Variants in OR4Q3 observed in about 807,000 individuals in gnomAD.
The protein encoded by OR4Q3 is olfactory receptor family 4 subfamily Q member 3, also known as olfactory receptor 4Q3.
OR4Q3 carries 17 observed loss-of-function variants against 18.8 expected under a neutral mutation model. That is an observed-to-expected ratio of 0.91 (90% confidence interval 0.62 to 1.36). The LOEUF (loss-of-function observed/expected upper bound fraction) is 1.36, where lower values mean the gene tolerates loss of function less well. Among genes scored for constraint, OR4Q3 ranks in the 40% most tolerant of loss-of-function variants. OR4Q3 has a pLI of 0.00. For synonymous variants in OR4Q3, 158 were observed against 145.8 expected (o/e 1.08, Z -0.60); for missense variants, 378 against 373.4 (o/e 1.01, Z -0.10).
downstream of OR4Q3, among the ~76,000 whole-genome samples, chr14:19,749,631 A>AAAAAAAAAAAAAAAAAAAAAC: frequency 6.7e-6 from 1 of 148,342 alleles, no homozygotes; most frequent in East Asian, 2.0e-4. Flanking sequence ...AAAAAAAAAA[A>AAAAAAAAAAAAAAAAAAAAAC]AAAGAAAGCA....
downstream of OR4Q3, among the ~76,000 whole-genome samples, chr14:19,750,063 C>A: frequency 2.0e-5 from 3 of 151,742 alleles, no homozygotes; most frequent in Non-Finnish European, 2.9e-5. Flanking sequence ...TGGCTCACTG[C>A]AACCTCCGCC....
At chr14:19,749,876 TTC>T, downstream of OR4Q3, among the ~76,000 whole-genome samples, 66 of 27,728 alleles carry the variant, frequency 2.4e-3, no homozygotes, top group South Asian at 0.012. Context: ...CTTTCTTTCT[TTC>T]TTTCTTTCTT....
downstream of OR4Q3, among the ~76,000 whole-genome samples, chr14:19,749,722 T>A: frequency 3.3e-5 from 5 of 150,576 alleles, no homozygotes; most frequent in African/African-American, 1.2e-4. Context: ...ATTGCTTCTT[T>A]CTTTCTTTTT....
In OR4Q3 at chr14:19,744,391, C is replaced by T. The variant is rs369579352; in HGVS notation, c.2+720C>T. 7.9e-5 allele frequency among the ~76,000 whole-genome samples: 12 copies of T among 152,270 alleles called. No homozygotes were observed. The East Asian group carries it at 2.3e-3, about 29-fold the overall frequency. ...AAACATAATAGCAAAATATGGTATA[C>T]TGTTATGCTTAAAACACACACATGC... On this transcript the variant is annotated intron_variant, in intron 1 of 1. Coordinates refer to ENST00000642117, the Ensembl canonical transcript of OR4Q3.
chr14:19,747,147 C>T, intron 1 of OR4Q3, among the ~76,000 whole-genome samples: 1 of 152,320 alleles, frequency 6.6e-6, no homozygotes, highest in South Asian at 2.1e-4. Flanking sequence ...AAGATTAGCA[C>T]TTATCACCTA....
exon 2 of OR4Q3, chr14:19,748,410 T>C: frequency 3.1e-5 from 45 of 1,446,446 alleles, no homozygotes; most frequent in Non-Finnish European, 4.0e-5. Flanking sequence ...ACACTCTTTC[T>C]TGGAAGACTC....
At chr14:19,749,385 A>G in exon 2 of OR4Q3, 1 of 152,536 alleles carries the variant, frequency 6.6e-6, no homozygotes, top group Non-Finnish European at 1.5e-5. Context: ...GATCATCTGA[A>G]GTCAGGAGTT....
chr14:19,747,394 A>G lies in OR4Q3; in HGVS notation c.3-12A>G. 2.1e-6 allele frequency: 3 copies of G among 1,406,842 alleles called. No homozygotes were observed. Among genetic ancestry groups the G allele is most frequent in the Non-Finnish European group, 2.9e-6 (3 of 1,017,524 alleles). 87.1% of individuals were successfully genotyped at this position (1,406,842 alleles called of 1,614,324 possible). On this transcript the variant is annotated splice_polypyrimidine_tract_variant and intron_variant, in intron 1 of 1. Transcript: ENST00000642117. ...CTTAAATCTCCCTTGTTCTGATTTAATTCTTCTTTAGGTCACTTGATATTC... is the reference window on the plus strand; with the variant it reads ...CTTAAATCTCCCTTGTTCTGATTTAGTTCTTCTTTAGGTCACTTGATATTC...
downstream of OR4Q3, chr14:19,749,604 C>CAAAGAAAAA: frequency 2.9e-5 from 1 of 34,570 alleles, no homozygotes; most frequent in South Asian, 1.1e-3. Context: ...GGTCTCAAAG[C>CAAAGAAAAA]AAAAAAAAAA....
At chr14:19,748,531 T>A in exon 2 of OR4Q3, 2 of 636,758 alleles carry the variant, frequency 3.1e-6, no homozygotes, top group Non-Finnish European at 5.2e-6. Context: ...AAAGCATAGG[T>A]GGCACTCTAG....
At chr14:19,750,254 G>A, downstream of OR4Q3, among the ~76,000 whole-genome samples, 1 of 152,094 alleles carries the variant, frequency 6.6e-6, no homozygotes, top group Non-Finnish European at 1.5e-5. Flanking sequence ...CAAAGTGCTG[G>A]GATTACAGGC....
chr14:19,745,202 A>T, intron 1 of OR4Q3, among the ~76,000 whole-genome samples: 1 of 152,192 alleles, frequency 6.6e-6, no homozygotes, highest in Admixed American at 6.5e-5. Context: ...AACTGTCCAG[A>T]ATATTTATAG....
At chr14:19,749,728 T>C, downstream of OR4Q3, among the ~76,000 whole-genome samples, 3 of 150,918 alleles carry the variant, frequency 2.0e-5, no homozygotes, top group Non-Finnish European at 3.0e-5. Flanking sequence ...TCTTTCTTTC[T>C]TTTTCTTTCT....
downstream of OR4Q3, among the ~76,000 whole-genome samples, chr14:19,749,847 CTTCTTTCTTTCT>C: frequency 0.074 from 8,147 of 110,664 alleles, 87 homozygotes; most frequent in Middle Eastern, 0.12. Flanking sequence ...ATACAGATTA[CTTCTTTCTTTCT>C]TTCTTTCTTT....
downstream of OR4Q3, among the ~76,000 whole-genome samples, chr14:19,749,956 T>C: frequency 1.2e-4 from 18 of 149,226 alleles, no homozygotes; most frequent in Non-Finnish European, 1.9e-4. Context: ...TCTCTTTTTC[T>C]TTCTCTCTCT....
Position 19,747,641 on chromosome 14 carries a change from C to T in OR4Q3, c.238C>T (p.Leu80=). 1.2e-5 allele frequency: 20 copies of T among 1,613,892 alleles called. No homozygotes were observed. In the Admixed American group the frequency reaches 3.0e-4, roughly 24 times the overall value. ...TTTAGGTCATCTCTCTTTCATTGACCTATGCCTGAGCTGTGTTACTGTGCC... is the reference window on the plus strand; with the variant it reads ...TTTAGGTCATCTCTCTTTCATTGACTTATGCCTGAGCTGTGTTACTGTGCC... The change falls in exon 2 of 2, where the codon CTA becomes TTA. Residue 80 remains leucine, a synonymous_variant. Coordinates refer to ENST00000642117, the Ensembl canonical transcript of OR4Q3.
chr14:19,747,739 C>G, exon 2 of OR4Q3: 1 of 1,613,960 alleles, frequency 6.2e-7, no homozygotes, highest in East Asian at 2.2e-5. Context: ...AGATCTACTT[C>G]CTCCACTTTC....
chr14:19,744,893 TTAATTTC>T, intron 1 of OR4Q3, among the ~76,000 whole-genome samples: 8 of 152,170 alleles, frequency 5.3e-5, no homozygotes, highest in Admixed American at 2.6e-4. Flanking sequence ...AGTCACAGGC[TTAATTTC>T]TTATTGTGAT....
chr14:19,745,445 C>T, intron 1 of OR4Q3, among the ~76,000 whole-genome samples: 1 of 152,240 alleles, frequency 6.6e-6, no homozygotes, highest in South Asian at 2.1e-4. Flanking sequence ...GTATACTATG[C>T]CTTCACATTA....
Sources: gnomAD v4.1 joint callset for allele counts (sites outside exome capture counted in the v4.1 genomes callset) on GRCh38, gnomAD v4.1.1 for gene constraint, MANE v1.5 for transcripts, NCBI Gene and HGNC (gene_info 2026-07-23, HGNC 2026-07-21) for gene names.